Variants in LRRIQ1 observed in about 807,000 individuals in gnomAD.
LRRIQ1 encodes leucine rich repeats and IQ motif containing 1, also known as leucine-rich repeat- and IQ domain-containing protein 1.
A neutral mutation model predicts 211.9 loss-of-function variants in LRRIQ1; 210 were observed. The observed-to-expected ratio is 0.99, with a 90% CI of 0.89 to 1.11. The LOEUF (loss-of-function observed/expected upper bound fraction) is 1.11. Ranked by LOEUF, LRRIQ1 falls within the 50% of genes most tolerant of loss-of-function variation. The probability of loss-of-function intolerance (pLI) is 0.00; values close to 1 mark genes in which losing one functional copy is unlikely to be tolerated. For synonymous variants in LRRIQ1, 699 were observed against 650.1 expected (o/e 1.08, Z -1.14); for missense variants, 2,136 against 1,939.5 (o/e 1.10, Z -1.90).
At chr12:85,199,825 A>G (rs566857193) in intron 24 of LRRIQ1, among the ~76,000 whole-genome samples, 26 of 152,278 alleles carry the variant, frequency 1.7e-4, no homozygotes, top group African/African-American at 6.3e-4. Context: ...CGCCCTTGAA[A>G]CATGGGAATT....
intron 24 of LRRIQ1, among the ~76,000 whole-genome samples, chr12:85,168,403 C>G (rs1891254568): frequency 6.6e-6 from 1 of 152,154 alleles, no homozygotes; most frequent in African/African-American, 2.4e-5. Flanking sequence ...CACTACAGCT[C>G]CCTTGTTAGC....
At chr12:85,147,940 G>A (rs1174779426) in intron 19 of LRRIQ1, among the ~76,000 whole-genome samples, 1 of 151,642 alleles carries the variant, frequency 6.6e-6, no homozygotes, top group Non-Finnish European at 1.5e-5. Context: ...CTTTTCCATA[G>A]GAGTGTACCT....
chr12:85,252,646 A>C (rs1035338920), intron 1 of LRRIQ1, among the ~76,000 whole-genome samples: 17 of 152,028 alleles, frequency 1.1e-4, no homozygotes, highest in African/African-American at 3.9e-4. Context: ...GAATATTAAA[A>C]GAGTCAGGCC....
intron 24 of LRRIQ1, among the ~76,000 whole-genome samples, chr12:85,220,803 G>A (rs1043309473): frequency 3.0e-5 from 3 of 101,530 alleles, no homozygotes; most frequent in Non-Finnish European, 5.5e-5. Flanking sequence ...CCTCCCCCCT[G>A]TTTTTATTTA....
chr12:85,039,752 G>A (rs556371336), intron 2 of LRRIQ1, among the ~76,000 whole-genome samples: 2 of 151,574 alleles, frequency 1.3e-5, no homozygotes, highest in East Asian at 1.9e-4. Context: ...CATTTATATC[G>A]TTTCATTGAT....
chr12:85,169,410 T>G (rs1464544420), intron 24 of LRRIQ1, among the ~76,000 whole-genome samples: 1 of 152,182 alleles, frequency 6.6e-6, no homozygotes, highest in East Asian at 1.9e-4. Context: ...TGATAGCTCT[T>G]GATATAATTA....
At chr12:85,053,166 G>A (rs944723244) in intron 7 of LRRIQ1, among the ~76,000 whole-genome samples, 28 of 151,608 alleles carry the variant, frequency 1.8e-4, no homozygotes, top group Middle Eastern at 3.4e-3. Context: ...GCAAGAAGAG[G>A]AAAACAGCAC....
chr12:85,051,172 CCT>C (rs148108462), intron 6 of LRRIQ1, among the ~76,000 whole-genome samples: 531 of 145,460 alleles, frequency 3.7e-3, no homozygotes, highest in East Asian at 8.6e-3. Context: ...AGCACTTTCT[CCT>C]CTCTCTCTCT....
intron 24 of LRRIQ1, among the ~76,000 whole-genome samples, chr12:85,219,960 G>T (rs1036595377): frequency 6.6e-6 from 1 of 152,098 alleles, no homozygotes; most frequent in Non-Finnish European, 1.5e-5. Context: ...TTCTGTTAGT[G>T]TAACATTTAT....
intron 2 of LRRIQ1, among the ~76,000 whole-genome samples, chr12:85,039,041 T>G (rs772410028): frequency 2.0e-5 from 3 of 151,328 alleles, no homozygotes; most frequent in African/African-American, 7.2e-5. Context: ...TGTTATTTTA[T>G]TAGGATTGCA....
intron 24 of LRRIQ1, among the ~76,000 whole-genome samples, chr12:85,198,122 A>T (rs574775180): frequency 1.7e-5 from 2 of 120,826 alleles, no homozygotes; most frequent in African/African-American, 3.2e-5. Flanking sequence ...TATAATATAT[A>T]ATATATATTA....
At chr12:85,186,688 A>G (rs1892244223) in intron 24 of LRRIQ1, among the ~76,000 whole-genome samples, 1 of 152,120 alleles carries the variant, frequency 6.6e-6, no homozygotes, top group African/African-American at 2.4e-5. Flanking sequence ...TGTGTAATTT[A>G]TTAGTTCTTA....
At chr12:85,200,631 C>T (rs745576563) in intron 24 of LRRIQ1, among the ~76,000 whole-genome samples, 32 of 151,922 alleles carry the variant, frequency 2.1e-4, no homozygotes, top group Non-Finnish European at 4.1e-4. Context: ...GAAACATGTT[C>T]CTTCAATGCC....
intron 23 of LRRIQ1, among the ~76,000 whole-genome samples, chr12:85,159,043 G>A (rs1890717597): frequency 6.6e-6 from 1 of 151,856 alleles, no homozygotes; most frequent in Non-Finnish European, 1.5e-5. Flanking sequence ...ATTAATTCAA[G>A]ATTAAATCAA....
At chr12:85,159,374 G>A (rs571247065) in intron 23 of LRRIQ1, 13 of 151,904 alleles carry the variant, frequency 8.6e-5, no homozygotes, top group African/African-American at 2.4e-4. Flanking sequence ...ATATAAACTG[G>A]AAATGTTTCA....
At chr12:85,076,219 T>C (rs1883634150) in intron 11 of LRRIQ1, among the ~76,000 whole-genome samples, 1 of 152,012 alleles carries the variant, frequency 6.6e-6, no homozygotes, top group East Asian at 1.9e-4. Flanking sequence ...AATGATTATC[T>C]TGACTTTTTC....
intron 19 of LRRIQ1, among the ~76,000 whole-genome samples, chr12:85,139,936 C>G (rs1889400632): frequency 6.6e-6 from 1 of 151,236 alleles, no homozygotes; most frequent in Non-Finnish European, 1.5e-5. Context: ...ATCTTAAATG[C>G]TCAAATAAAT....
At chr12:85,178,334 C>T (rs2136865208) in intron 24 of LRRIQ1, among the ~76,000 whole-genome samples, 1 of 151,990 alleles carries the variant, frequency 6.6e-6, no homozygotes, top group East Asian at 1.9e-4. Flanking sequence ...AATATTATTC[C>T]ACCTCCTCCT....
chr12:85,064,267 A>G (rs1429602582), intron 8 of LRRIQ1, among the ~76,000 whole-genome samples: 1 of 151,908 alleles, frequency 6.6e-6, no homozygotes, highest in Non-Finnish European at 1.5e-5. Context: ...CATTTATCTG[A>G]TGATCAGTGA....
Sources: gnomAD v4.1 joint callset for allele counts (sites outside exome capture counted in the v4.1 genomes callset) on GRCh38, gnomAD v4.1.1 for gene constraint, MANE v1.5 for transcripts, NCBI Gene and HGNC (gene_info 2026-07-23, HGNC 2026-07-21) for gene names.